Variants in PRUNE2 observed in about 807,000 individuals in gnomAD.
PRUNE2 encodes protein prune homolog 2.
In PRUNE2, 164 loss-of-function variants were observed where a neutral mutation model predicts 252.0. That is an observed-to-expected ratio of 0.65 (90% confidence interval 0.57 to 0.74). PRUNE2 has a LOEUF of 0.74. PRUNE2 is among the 30% of genes least tolerant of loss of function. The pLI is 0.00. For missense variants in PRUNE2, 3,495 were observed against 3,711.0 expected (o/e 0.94, Z 1.51); for synonymous variants, 1,292 against 1,350.2 (o/e 0.96, Z 0.94).
Position 76,705,891 on chromosome 9 carries a change from T to G in PRUNE2, c.6383A>C (p.Glu2128Ala), listed in dbSNP as rs769184487. 1.2e-6 allele frequency: 2 copies of G among 1,613,776 alleles called. No homozygotes were observed. The highest frequency in any genetic ancestry group is 1.3e-5 in the African/African-American group (1 of 74,936). ...EKHLSACMGPEVESSELCLTE... is the reference protein window; with the variant it reads ...EKHLSACMGPAVESSELCLTE... ...GAGACAAAGCTCACTGGATTCCACTTCAGGTCCCATGCAAGCACTGAGGTG... is the reference window on the plus strand; with the variant it reads ...GAGACAAAGCTCACTGGATTCCACTGCAGGTCCCATGCAAGCACTGAGGTG... The change falls in exon 8 of 19, where the codon GAA becomes GCA. Residue 2128 changes from glutamate to alanine, a missense_variant. Transcript: ENST00000376718.
At chr9:76,828,548 T>C (rs184349159) in intron 4 of PRUNE2, among the ~76,000 whole-genome samples, 34 of 152,190 alleles carry the variant, frequency 2.2e-4, no homozygotes, top group Non-Finnish European at 5.9e-5. Flanking sequence ...AGATAAGGAA[T>C]ATGGGGAGAA....
chr9:76,722,975 T>C (rs1385578220), intron 6 of PRUNE2, among the ~76,000 whole-genome samples: 1 of 152,246 alleles, frequency 6.6e-6, no homozygotes, highest in Non-Finnish European at 1.5e-5. Flanking sequence ...GTTGGTTCTC[T>C]CTTGTCACTA....
Position 76,702,040 on chromosome 9 carries a change from T to A in PRUNE2, c.8276+1297A>T, listed in dbSNP as rs981012216. 4.0e-5 allele frequency among the ~76,000 whole-genome samples: 6 copies of A among 151,412 alleles called. No individual in the cohort carries two copies. The South Asian group carries it at 1.3e-3, about 32-fold the overall frequency. Reference sequence around the variant, plus strand: ...TAGTCCTTTACACTCCCAAGCTGAGTAGCAAAAATATATCTTTTCTCGCTT... The same window carrying A: ...TAGTCCTTTACACTCCCAAGCTGAGAAGCAAAAATATATCTTTTCTCGCTT... On this transcript the variant is annotated intron_variant, in intron 9 of 18. Transcript: ENST00000376718.
intron 5 of PRUNE2, 146 bp from the exon 6 acceptor site, chr9:76,823,872 A>G: frequency 1.6e-6 from 1 of 606,334 alleles, no homozygotes; most frequent in South Asian, 2.0e-5. Flanking sequence ...ACACACACAC[A>G]CACACTAAGG....
At chr9:76,807,049 T>TGCGC (rs564656721) in intron 6 of PRUNE2, among the ~76,000 whole-genome samples, 10 of 132,208 alleles carry the variant, frequency 7.6e-5, no homozygotes, top group South Asian at 5.2e-4. Context: ...TGTGTGTGTG[T>TGCGC]GTGCGCGCGC....
At chr9:76,796,715 TG>T (rs1298688841) in intron 6 of PRUNE2, among the ~76,000 whole-genome samples, 1 of 152,236 alleles carries the variant, frequency 6.6e-6, no homozygotes, top group African/African-American at 2.4e-5. Context: ...ATGTCTCTGA[TG>T]GTGTTTCTGC....
chr9:76,717,583 CTTAAA>C (rs1322016395), intron 6 of PRUNE2, among the ~76,000 whole-genome samples: 1 of 152,088 alleles, frequency 6.6e-6, no homozygotes, highest in Non-Finnish European at 1.5e-5. Flanking sequence ...GTTCCCCCCA[CTTAAA>C]TTAAAATTAT....
chr9:76,647,464 A>C (rs1305700096), intron 11 of PRUNE2, among the ~76,000 whole-genome samples: 4 of 152,212 alleles, frequency 2.6e-5, no homozygotes, highest in Non-Finnish European at 4.4e-5. Context: ...CTTGGATGCA[A>C]AGATGACTTT....
chr9:76,706,198 G>A lies in PRUNE2; in HGVS notation c.6076C>T (p.Gln2026Ter). Residue 2026 changes from glutamine to a stop codon, truncating the protein, a stop_gained, in exon 8 of 19, where the codon CAA becomes TAA. Transcript: ENST00000376718. LOFTEE classifies it high-confidence loss of function. Reference sequence around the variant, plus strand: ...TCAGAGCCTGGCTTCATTATCAGTTGGGTGGGAGAACTGACAGCAGGAAAA... The same window carrying A: ...TCAGAGCCTGGCTTCATTATCAGTTAGGTGGGAGAACTGACAGCAGGAAAA... ...ENFPAVSSPT[Q>*]LIMKPGSEWD... 6.2e-7 allele frequency: 1 copy of A among 1,613,858 alleles called. No individual in the cohort carries two copies. The highest frequency in any genetic ancestry group is 8.5e-7 in the Non-Finnish European group (1 of 1,179,794).
At chr9:76,829,751 G>T (rs201338623) in intron 4 of PRUNE2, among the ~76,000 whole-genome samples, 24 of 141,918 alleles carry the variant, frequency 1.7e-4, no homozygotes, top group South Asian at 2.2e-4. Context: ...GTTTTGTTTT[G>T]TTTTTTTTTT....
At chr9:76,702,054 C>A (rs1419000564) in intron 9 of PRUNE2, among the ~76,000 whole-genome samples, 3 of 150,098 alleles carry the variant, frequency 2.0e-5, no homozygotes, top group Non-Finnish European at 3.0e-5. Flanking sequence ...AAAAATATAT[C>A]TTTTCTCGCT....
intron 6 of PRUNE2, among the ~76,000 whole-genome samples, chr9:76,742,573 G>A (rs1381544371): frequency 6.6e-6 from 1 of 151,782 alleles, no homozygotes; most frequent in Non-Finnish European, 1.5e-5. Context: ...AGCCAAGATT[G>A]TGCCATAGCA....
chr9:76,814,012 C>T (rs1245227733), intron 6 of PRUNE2, among the ~76,000 whole-genome samples: 1 of 152,202 alleles, frequency 6.6e-6, no homozygotes. Flanking sequence ...CGGGGTTTCA[C>T]CATGTTGGCC....
At chr9:76,803,532 G>A (rs17787449) in intron 6 of PRUNE2, among the ~76,000 whole-genome samples, 12,063 of 152,142 alleles carry the variant, frequency 0.079, 727 homozygotes, top group East Asian at 0.29. Context: ...AGGCATTTCA[G>A]TTCACAATAG....
chr9:76,839,933 A>G (rs979628821), intron 4 of PRUNE2, among the ~76,000 whole-genome samples: 3 of 152,232 alleles, frequency 2.0e-5, no homozygotes, highest in African/African-American at 7.2e-5. Flanking sequence ...ACTGAAATGA[A>G]GAAATTGGAA....
intron 1 of PRUNE2, among the ~76,000 whole-genome samples, chr9:76,886,412 C>T (rs149681274): frequency 1.3e-5 from 2 of 152,206 alleles, no homozygotes; most frequent in East Asian, 3.9e-4. Context: ...GGATGTGAAA[C>T]AAAAACAGTT....
intron 6 of PRUNE2, among the ~76,000 whole-genome samples, chr9:76,813,429 A>G (rs2131778316): frequency 6.6e-6 from 1 of 152,362 alleles, no homozygotes; most frequent in East Asian, 1.9e-4. Flanking sequence ...GTCATGGAGA[A>G]AAACTATACT....
intron 1 of PRUNE2, among the ~76,000 whole-genome samples, chr9:76,894,148 C>T (rs2133566719): frequency 6.6e-6 from 1 of 152,246 alleles, no homozygotes; most frequent in African/African-American, 2.4e-5. Flanking sequence ...AAAACAAAAC[C>T]TGAATCAAAG....
intron 9 of PRUNE2, among the ~76,000 whole-genome samples, chr9:76,670,398 C>T: frequency 6.6e-6 from 1 of 152,008 alleles, no homozygotes; most frequent in Non-Finnish European, 1.5e-5. Flanking sequence ...CTCGGAGGGT[C>T]CTACACCCAC....
Sources: gnomAD v4.1 joint callset for allele counts (sites outside exome capture counted in the v4.1 genomes callset) on GRCh38, gnomAD v4.1.1 for gene constraint, MANE v1.5 for transcripts, NCBI Gene and HGNC (gene_info 2026-07-23, HGNC 2026-07-21) for gene names.